The following TFAP2B variants were observed in gnomAD, a reference collection of about 807,000 sequenced individuals.
TFAP2B encodes the protein transcription factor AP-2 beta.
Under a neutral mutation model 44.3 loss-of-function variants are expected in TFAP2B, and 9 were observed. The ratio of observed to expected loss-of-function variants is 0.20; its 90% CI spans 0.12 to 0.35. The LOEUF (loss-of-function observed/expected upper bound fraction) is 0.35. Ranked by LOEUF, TFAP2B falls within the 10% of genes least tolerant of loss-of-function variation. The probability of loss-of-function intolerance (pLI) is 1.00; values close to 1 mark genes in which losing one functional copy is unlikely to be tolerated. For synonymous variants in TFAP2B, 270 were observed against 263.8 expected, an observed-to-expected ratio of 1.02 and a Z score of -0.23; for missense variants, 509 against 600.0, an observed-to-expected ratio of 0.85 and a Z score of 1.59.
At chr6:50,842,074 A>G (rs3798526) in intron 6 of TFAP2B, among the ~76,000 whole-genome samples, 26,565 of 152,198 alleles carry the variant, frequency 0.17, 2,596 homozygotes, top group Admixed American at 0.28. Context: ...TTGTGGGTCT[A>G]GGACTGGAGT....
In TFAP2B at chr6:50,840,196, C is replaced by T. The variant is rs759239606; in HGVS notation, c.981C>T (p.Cys327=). ...TAGCTAGGGATTTTGGGTACATTTG[C>T]GAAACGGAGTTTCCCGCCAAAGCCG... ...VHLARDFGYI[C]ETEFPAKAVS... Residue 327 remains cysteine (C), a synonymous_variant, in exon 6 of 7, where the codon TGC becomes TGT. Coordinates refer to ENST00000393655, the MANE Select transcript of TFAP2B (RefSeq NM_003221.4). The T allele has an allele frequency of 1.1e-5, 17 of 1,613,954 alleles. No homozygotes were observed. The Admixed American group carries it at 1.5e-4, about 14-fold the overall frequency.
chr6:50,829,871 A>G (rs978773455), intron 3 of TFAP2B, among the ~76,000 whole-genome samples: 3 of 152,180 alleles, frequency 2.0e-5, no homozygotes, highest in African/African-American at 4.8e-5. Context: ...CAATGATGCC[A>G]TTTGGCCTTG....
At chr6:50,820,821 C>A (rs989754881) in intron 1 of TFAP2B, among the ~76,000 whole-genome samples, 2 of 140,840 alleles carry the variant, frequency 1.4e-5, no homozygotes, top group African/African-American at 2.7e-5. Flanking sequence ...TCGTTCTTTA[C>A]AGAAAGTAAA....
chr6:50,840,738 T>A (rs1762709155), intron 6 of TFAP2B, among the ~76,000 whole-genome samples: 1 of 152,250 alleles, frequency 6.6e-6, no homozygotes. Context: ...TTTCCAACGT[T>A]GCTGTTTGTC....
chr6:50,842,636 G>A (rs868472958), intron 6 of TFAP2B, among the ~76,000 whole-genome samples: 22 of 152,230 alleles, frequency 1.4e-4, no homozygotes, highest in African/African-American at 3.9e-4. Flanking sequence ...TCAGTGCCAG[G>A]GACAGGCTTG....
At position 50,845,816 on chromosome 6, in the gene TFAP2B, A is replaced by T. The variant is rs561344055; in HGVS notation, c.*2424A>T. Reference sequence around the variant, plus strand: ...GCGCCCAGTCGTGTTGAGGACATAGAATCAGCCGCTGGAGGGGCTGCCGAC... The same window carrying T: ...GCGCCCAGTCGTGTTGAGGACATAGTATCAGCCGCTGGAGGGGCTGCCGAC... On this transcript the variant is annotated 3_prime_UTR_variant, in exon 7 of 7. Transcript: ENST00000393655. 3.3e-5 allele frequency: 5 copies of T among 152,822 alleles called. No individual in the cohort carries two copies. The highest frequency in any genetic ancestry group is 3.9e-4 in the East Asian group (2 of 5,164). 9.5% of individuals were successfully genotyped at this position (152,822 alleles called of 1,614,324 possible).
At chr6:50,820,172 G>C (rs1352232394) in intron 1 of TFAP2B, among the ~76,000 whole-genome samples, 2 of 152,254 alleles carry the variant, frequency 1.3e-5, no homozygotes, top group Non-Finnish European at 2.9e-5. Flanking sequence ...TGGCGGGCGC[G>C]GGCCGCTAGG....
Position 50,823,447 on chromosome 6 carries a change from C to A in TFAP2B, c.122C>A (p.Ser41Tyr). The change falls in exon 2 of 7, where the codon TCC becomes TAC. Residue 41 changes from serine (S) to tyrosine (Y), a missense_variant. By Grantham distance (144) the Ser-to-Tyr change is moderately radical. Coordinates refer to ENST00000393655, the MANE Select transcript of TFAP2B (RefSeq NM_003221.4). ...GTCCCGAGCCACAGCTCGCGGCTCT[C>A]CCAGCTGGGCTCGGTGTCCCAAGGA... ...DGVPSHSSRL[S>Y]QLGSVSQGPY... 1 of 1,608,702 alleles carries A rather than the reference C, an allele frequency of 6.2e-7. No individual in the cohort carries two copies. The highest frequency in any genetic ancestry group is 8.5e-7 in the Non-Finnish European group (1 of 1,177,780).
intron 4 of TFAP2B, among the ~76,000 whole-genome samples, 178 bp downstream of exon 4, chr6:50,836,458 G>T (rs1762625252): frequency 6.6e-6 from 1 of 152,200 alleles, no homozygotes; most frequent in South Asian, 2.1e-4. Context: ...GAGGATCCGC[G>T]GCCGCCACCT....
intron 2 of TFAP2B, among the ~76,000 whole-genome samples, chr6:50,825,375 G>A (rs1194035330): frequency 6.6e-6 from 1 of 152,042 alleles, no homozygotes; most frequent in Non-Finnish European, 1.5e-5. Flanking sequence ...ATGGTTCAAA[G>A]TGCTGGATAA....
intron 2 of TFAP2B, among the ~76,000 whole-genome samples, chr6:50,827,864 T>C (rs1770570242): frequency 6.6e-6 from 1 of 152,182 alleles, no homozygotes; most frequent in African/African-American, 2.4e-5. Context: ...GGAATGAAAC[T>C]GTGGCACAGA....
chr6:50,820,337 G>T (rs1163153451), intron 1 of TFAP2B, among the ~76,000 whole-genome samples: 6 of 152,252 alleles, frequency 3.9e-5, no homozygotes, highest in Non-Finnish European at 7.3e-5. Context: ...AAGCTCCTGG[G>T]GGACTCGGGC....
intron 3 of TFAP2B, 134 bp from the exon 4 acceptor site, chr6:50,835,927 C>T (rs895247884): frequency 2.5e-6 from 2 of 803,714 alleles, no homozygotes; most frequent in Admixed American, 1.7e-5. Flanking sequence ...TGCAGCCCCA[C>T]TGGAATAAAC....
chr6:50,846,645 T>G lies in TFAP2B; in HGVS notation c.*3253T>G, dbSNP rs1379532791. 1.3e-5 allele frequency: 2 copies of G among 152,212 alleles called. No individual in the cohort carries two copies. The highest frequency in any genetic ancestry group is 4.8e-5 in the African/African-American group (2 of 41,456). 9.4% of individuals were successfully genotyped at this position (152,212 alleles called of 1,614,324 possible). On this transcript the variant is annotated 3_prime_UTR_variant, in exon 7 of 7. Coordinates refer to ENST00000393655, the MANE Select transcript of TFAP2B (RefSeq NM_003221.4). ...CTCCAGACCATTCTCTGCCAAACCCTGCCGCCTCCTGCACGTATTGCAGGT... is the reference window on the plus strand; with the variant it reads ...CTCCAGACCATTCTCTGCCAAACCCGGCCGCCTCCTGCACGTATTGCAGGT...
intron 1 of TFAP2B, among the ~76,000 whole-genome samples, chr6:50,822,380 G>A (rs549106767): frequency 6.6e-6 from 1 of 152,132 alleles, no homozygotes; most frequent in Non-Finnish European, 1.5e-5. Context: ...AGTCAGCTGG[G>A]AGGGGAGAGG....
At chr6:50,818,609 AC>A (rs1561955390), upstream of TFAP2B, 7 of 423,274 alleles carry the variant, frequency 1.7e-5, no homozygotes, top group South Asian at 2.2e-4. Flanking sequence ...AGACTGTGTG[AC>A]CCAGAGGTGC....
At chr6:50,821,125 A>G (rs906448689) in intron 1 of TFAP2B, among the ~76,000 whole-genome samples, 3 of 152,236 alleles carry the variant, frequency 2.0e-5, no homozygotes, top group Admixed American at 6.5e-5. Context: ...GAAACATCCA[A>G]AAAGGTTTTC....
rs1554165384 is a variant in TFAP2B, at chr6:50,844,302, A to AC, written c.*910_*911insC. 0.14 allele frequency: 20,453 copies of AC among 147,602 alleles called. 1,587 individuals are homozygous for AC. Among genetic ancestry groups the AC allele is most frequent in the African/African-American group, 0.22 (8,994 of 40,032 alleles). The allele number at this position is 147,602 out of a possible 1,614,324, so 9.1% of individuals were successfully genotyped here. A position where few individuals can be genotyped will look rare whatever the true frequency, so the allele number is the denominator to read the frequency against. Reference sequence around the variant, plus strand: ...TTATGAACTATAGTAAAAAAAAAAAAACACACACACACACAATATGAATAC... The same window carrying AC: ...TTATGAACTATAGTAAAAAAAAAAAACACACACACACACACAATATGAATAC... On this transcript the variant is annotated 3_prime_UTR_variant, in exon 7 of 7. Coordinates refer to ENST00000393655, the MANE Select transcript of TFAP2B (RefSeq NM_003221.4).
At chr6:50,827,164 C>A (rs969527843) in intron 2 of TFAP2B, among the ~76,000 whole-genome samples, 7 of 152,182 alleles carry the variant, frequency 4.6e-5, no homozygotes, top group African/African-American at 1.7e-4. Flanking sequence ...CAGGGTCTGG[C>A]TGCCCAAGGC....
Sources: gnomAD v4.1 joint callset for allele counts (sites outside exome capture counted in the v4.1 genomes callset) on GRCh38, gnomAD v4.1.1 for gene constraint, MANE v1.5 for transcripts, NCBI Gene and HGNC (gene_info 2026-07-23, HGNC 2026-07-21) for gene names.